Variants in ZNF704 observed in about 807,000 individuals in gnomAD.
The protein encoded by ZNF704 is glucocorticoid induced gene 1.
A neutral mutation model predicts 44.7 loss-of-function variants in ZNF704; 10 were observed. The ratio of observed to expected loss-of-function variants is 0.22; its 90% CI spans 0.14 to 0.38. The LOEUF is 0.38. Ranked by LOEUF, ZNF704 falls within the 10% of genes least tolerant of loss-of-function variation. ZNF704 has a pLI of 1.00. For synonymous variants in ZNF704, 211 were observed against 207.6 expected (o/e 1.02, Z -0.14); for missense variants, 390 against 545.5 (o/e 0.71, Z 2.84).
At chr8:80,716,331 G>T (rs1283858400) in intron 2 of ZNF704, among the ~76,000 whole-genome samples, 2 of 152,196 alleles carry the variant, frequency 1.3e-5, no homozygotes. Flanking sequence ...CACTTAGCAG[G>T]ATCAATCTTC....
chr8:80,882,412 C>G, the ZNF704 span, among the ~76,000 whole-genome samples: 1 of 152,140 alleles, frequency 6.6e-6, no homozygotes, highest in African/African-American at 2.4e-5. Context: ...TTTACTTCCC[C>G]TTCTGCACAT....
intron 2 of ZNF704, among the ~76,000 whole-genome samples, chr8:80,697,812 T>C (rs1012109810): frequency 6.6e-6 from 1 of 152,222 alleles, no homozygotes; most frequent in Non-Finnish European, 1.5e-5. Context: ...AGGAGAGCAT[T>C]AGATGACTTC....
intron 2 of ZNF704, among the ~76,000 whole-genome samples, chr8:80,715,358 A>AG (rs113580977): frequency 0.071 from 10,838 of 152,238 alleles, 1,292 homozygotes; most frequent in African/African-American, 0.25. Context: ...GAGATTCAAC[A>AG]GGGGGCTCCA....
chr8:80,789,380 A>T (rs574459193), intron 2 of ZNF704, among the ~76,000 whole-genome samples: 1 of 152,330 alleles, frequency 6.6e-6, no homozygotes, highest in African/African-American at 2.4e-5. Context: ...AACATAACTT[A>T]TATGAGGTAT....
intron 1 of ZNF704, among the ~76,000 whole-genome samples, chr8:80,862,581 G>A (rs754709972): frequency 7.8e-6 from 1 of 127,830 alleles, no homozygotes. Context: ...TCAACATGAT[G>A]AAAACTTGTC....
intron 2 of ZNF704, among the ~76,000 whole-genome samples, chr8:80,712,596 T>C (rs1819004013): frequency 6.6e-6 from 1 of 152,126 alleles, no homozygotes. Flanking sequence ...AGGAAAATGT[T>C]TGGATCTGTT....
At chr8:80,828,605 C>A (rs573290203) in intron 1 of ZNF704, among the ~76,000 whole-genome samples, 2 of 152,072 alleles carry the variant, frequency 1.3e-5, no homozygotes, top group East Asian at 3.9e-4. Flanking sequence ...AGAATACATG[C>A]TTGTTTCTTT....
At chr8:80,725,295 T>C (rs1806457218) in intron 2 of ZNF704, among the ~76,000 whole-genome samples, 1 of 152,168 alleles carries the variant, frequency 6.6e-6, no homozygotes, top group Non-Finnish European at 1.5e-5. Context: ...CAATTAAATT[T>C]TCATCTCAGA....
chr8:80,873,997 C>A (rs532414397), intron 1 of ZNF704, among the ~76,000 whole-genome samples: 74 of 146,900 alleles, frequency 5.0e-4, no homozygotes, highest in African/African-American at 1.5e-3. Flanking sequence ...CGGCGCCCCC[C>A]CGGCGGCTGC....
At position 80,641,449 on chromosome 8, in the gene ZNF704, G is replaced by A; in HGVS notation, c.1156C>T (p.Arg386Trp). The stretch of plus-strand genomic sequence containing the variant: ...CGGTTCTCCATCCCGTACACCTTCC[G>A]ACACTTTTTGCCCTCTCCCCTGGGC... ...RKPRGEGKKC[R>W]KVYGMENRDM... Residue 386 changes from arginine (R) to tryptophan (W), a missense_variant, in exon 9 of 9, where the codon CGG becomes TGG. This residue lies in a region of ZNF704 where 305 missense variants were observed against 435.7 expected (regional missense o/e 0.70). Transcript: ENST00000327835. 1.9e-6 allele frequency: 3 copies of A among 1,613,040 alleles called. No individual in the cohort carries two copies. The highest frequency in any genetic ancestry group is 8.5e-7 in the Non-Finnish European group (1 of 1,179,560).
chr8:80,660,314 T>TA (rs1334268005), intron 6 of ZNF704, among the ~76,000 whole-genome samples: 3 of 151,508 alleles, frequency 2.0e-5, no homozygotes, highest in Non-Finnish European at 2.9e-5. Context: ...CTACTAAAAT[T>TA]AAAAAAAATT....
chr8:80,782,925 G>C (rs182884319), intron 2 of ZNF704, among the ~76,000 whole-genome samples: 2 of 152,048 alleles, frequency 1.3e-5, no homozygotes, highest in Admixed American at 6.6e-5. Flanking sequence ...ATGGAGTGCC[G>C]ACTGCACTTA....
Position 80,740,539 on chromosome 8 carries a change from A to G in ZNF704, c.222-47432T>C, listed in dbSNP as rs560742876. On this transcript the variant is annotated intron_variant, in intron 2 of 8. Coordinates refer to ENST00000327835, the MANE Select transcript of ZNF704 (RefSeq NM_001033723.3). ...CAATACTCCAATTTTAGGAGTACAG[A>G]AACCCAACAGACAGTGGAGGTCAGT... Among the ~76,000 whole-genome samples the G allele has an allele frequency of 3.9e-5, 6 of 152,340 alleles. No individual in the cohort carries two copies. In the East Asian group the frequency reaches 1.2e-3, roughly 29 times the overall value.
rs936137566 is a variant in ZNF704 at position 80,637,966 on chromosome 8, T to C, written c.*3400A>G. 6.6e-6 allele frequency: 1 copy of C among 152,248 alleles called. No homozygotes were observed. The highest frequency in any genetic ancestry group is 2.4e-5 in the African/African-American group (1 of 41,436). The allele number at this position is 152,248 out of a possible 1,614,324, so 9.4% of individuals were successfully genotyped here. A position where few individuals can be genotyped will look rare whatever the true frequency, so the allele number is the denominator to read the frequency against. ...TTCTCTCCTTGCTTCAGGCAGCTGC[T>C]CCCAGAGGAGAAAATGGCAGCTCCC... On this transcript the variant is annotated 3_prime_UTR_variant, in exon 9 of 9. Coordinates refer to ENST00000327835, the MANE Select transcript of ZNF704 (RefSeq NM_001033723.3).
At chr8:80,787,922 A>G (rs182325875) in intron 2 of ZNF704, among the ~76,000 whole-genome samples, 1 of 152,326 alleles carries the variant, frequency 6.6e-6, no homozygotes, top group East Asian at 1.9e-4. Flanking sequence ...GCCTACTCCA[A>G]TGAGAGGAGG....
chr8:80,824,843 G>A (rs1808344215), intron 1 of ZNF704, among the ~76,000 whole-genome samples: 1 of 152,166 alleles, frequency 6.6e-6, no homozygotes, highest in African/African-American at 2.4e-5. Flanking sequence ...AAGTGAAGGG[G>A]AAATAAAATC....
intron 1 of ZNF704, among the ~76,000 whole-genome samples, chr8:80,837,364 ATTTTAT>A (rs1390545764): frequency 2.6e-5 from 4 of 151,998 alleles, no homozygotes; most frequent in Non-Finnish European, 4.4e-5. Flanking sequence ...AATTGGGTTT[ATTTTAT>A]TTTTAAATTA....
chr8:80,883,704 G>A, the ZNF704 span, among the ~76,000 whole-genome samples: 9 of 152,098 alleles, frequency 5.9e-5, no homozygotes, highest in East Asian at 1.9e-4. Context: ...GCTGCAAATC[G>A]AAACTACCAT....
chr8:80,744,662 C>T (rs1021658180), intron 2 of ZNF704, among the ~76,000 whole-genome samples: 4 of 152,138 alleles, frequency 2.6e-5, no homozygotes, highest in African/African-American at 4.8e-5. Flanking sequence ...GGCACAAATA[C>T]GCTTTTATTT....
Sources: allele counts gnomAD v4.1 joint callset (sites outside exome capture counted in the v4.1 genomes callset), GRCh38; gene constraint gnomAD v4.1.1; regional missense constraint gnomAD v4.1.1; transcripts MANE v1.5; gene names NCBI Gene and HGNC (gene_info 2026-07-23, HGNC 2026-07-21).